Variants in SPECC1 observed in about 807,000 individuals in gnomAD.
SPECC1 encodes sperm antigen with calponin homology and coiled-coil domains 1.
Under a neutral mutation model 104.1 loss-of-function variants are expected in SPECC1, and 62 were observed. That is an observed-to-expected ratio of 0.60 (90% CI 0.49 to 0.74). The LOEUF is 0.74. Among genes scored for constraint, SPECC1 ranks in the 30% least tolerant of loss-of-function variants. The pLI is 0.00. For missense variants in SPECC1, 1,306 were observed against 1,310.5 expected (o/e 1.00, Z 0.05); for synonymous variants, 513 against 501.6 (o/e 1.02, Z -0.30).
In SPECC1 at chr17:20,236,220, G is replaced by A. The variant is rs2038902992; in HGVS notation, c.2351+3815G>A. On this transcript the variant is annotated intron_variant, in intron 7 of 14. Coordinates refer to ENST00000395527, the MANE Select transcript of SPECC1 (RefSeq NM_001243439.2). ...CAGACCTCACCTTAGCACCCATGAC[G>A]GCATGATGGACAGGGGTCTCCAGCA... 1.3e-5 allele frequency among the ~76,000 whole-genome samples: 2 copies of A among 152,144 alleles called. 1 individual carries two copies. Among genetic ancestry groups the A allele is most frequent in the South Asian group, 4.1e-4 (2 of 4,822 alleles).
intron 1 of SPECC1, among the ~76,000 whole-genome samples, chr17:20,021,151 T>C (rs2044358809): frequency 2.0e-5 from 3 of 151,998 alleles, no homozygotes; most frequent in South Asian, 2.1e-4. Flanking sequence ...CATCTTCATG[T>C]TGAGTAGGCT....
chr17:20,187,512 G>T (rs1199055103), intron 3 of SPECC1, among the ~76,000 whole-genome samples: 1 of 152,200 alleles, frequency 6.6e-6, no homozygotes, highest in Non-Finnish European at 1.5e-5. Flanking sequence ...AGCCATGAGG[G>T]CAGGCAGCTT....
chr17:20,121,835 C>T (rs944180899), intron 3 of SPECC1, among the ~76,000 whole-genome samples: 4 of 152,220 alleles, frequency 2.6e-5, no homozygotes, highest in African/African-American at 7.2e-5. Flanking sequence ...GTCAAAAGCA[C>T]CCACCTTCTC....
intron 1 of SPECC1, among the ~76,000 whole-genome samples, chr17:20,060,748 A>T (rs78174961): frequency 0.073 from 11,178 of 152,230 alleles, 550 homozygotes; most frequent in African/African-American, 0.14. Context: ...GCCACTCACC[A>T]TGTGACTTTT....
At chr17:20,129,946 G>A (rs577505472) in intron 3 of SPECC1, among the ~76,000 whole-genome samples, 1 of 151,402 alleles carries the variant, frequency 6.6e-6, no homozygotes, top group African/African-American at 2.4e-5. Flanking sequence ...TAGAAACTGG[G>A]TTTCACTATG....
chr17:20,243,867 A>C (rs944980808), intron 7 of SPECC1, among the ~76,000 whole-genome samples: 7 of 152,186 alleles, frequency 4.6e-5, no homozygotes, highest in African/African-American at 1.7e-4. Flanking sequence ...ATGTAAAATG[A>C]ATTATTTAAA....
At chr17:20,019,205 A>ATCAT (rs34263890) in intron 1 of SPECC1, among the ~76,000 whole-genome samples, 1 of 92,186 alleles carries the variant, frequency 1.1e-5, no homozygotes, top group Admixed American at 1.1e-4. Context: ...AGAAGACCCT[A>ATCAT]TCATTCATTT....
chr17:20,063,282 T>C (rs539515557), intron 1 of SPECC1, among the ~76,000 whole-genome samples: 2 of 152,350 alleles, frequency 1.3e-5, no homozygotes, highest in South Asian at 4.1e-4. Flanking sequence ...TTTTTTCTGT[T>C]GGACTGTTTG....
At chr17:20,179,150 G>A (rs1567907587) in intron 3 of SPECC1, among the ~76,000 whole-genome samples, 1 of 152,310 alleles carries the variant, frequency 6.6e-6, no homozygotes, top group East Asian at 1.9e-4. Context: ...ATTGTTAGAA[G>A]GGCTAGAGAG....
chr17:20,239,889 T>G (rs1401664452), intron 7 of SPECC1, among the ~76,000 whole-genome samples: 8 of 126,292 alleles, frequency 6.3e-5, no homozygotes, highest in South Asian at 2.8e-4. Flanking sequence ...TTTTTTTTTT[T>G]TTTTTTTTTT....
At chr17:20,271,570 C>T (rs551479099) in intron 12 of SPECC1, among the ~76,000 whole-genome samples, 1 of 152,246 alleles carries the variant, frequency 6.6e-6, no homozygotes, top group African/African-American at 2.4e-5. Context: ...AACCGCAACT[C>T]TTCATGAGAT....
chr17:20,181,521 TA>T (rs1408432446), intron 3 of SPECC1, among the ~76,000 whole-genome samples: 1 of 152,136 alleles, frequency 6.6e-6, no homozygotes, highest in African/African-American at 2.4e-5. Context: ...CCTCAAAATA[TA>T]AATTCACAAA....
intron 3 of SPECC1, among the ~76,000 whole-genome samples, chr17:20,132,543 AT>A (rs966262302): frequency 6.4e-4 from 90 of 141,464 alleles, no homozygotes; most frequent in Middle Eastern, 3.7e-3. Flanking sequence ...GTTTGTTTTC[AT>A]TTTTTTTTGG....
At chr17:20,059,481 C>G (rs2046098530) in intron 1 of SPECC1, among the ~76,000 whole-genome samples, 1 of 152,148 alleles carries the variant, frequency 6.6e-6, no homozygotes, top group Non-Finnish European at 1.5e-5. Context: ...AGGCTATGAA[C>G]TGGGGGTTGG....
intron 3 of SPECC1, among the ~76,000 whole-genome samples, chr17:20,120,689 A>G (rs1337312850): frequency 6.6e-6 from 1 of 152,174 alleles, no homozygotes; most frequent in African/African-American, 2.4e-5. Flanking sequence ...GGTATTATCT[A>G]TATTTTATTT....
intron 9 of SPECC1, 25 bp from the exon 10 acceptor site, chr17:20,253,480 G>C (rs2039707460): frequency 6.2e-7 from 1 of 1,612,784 alleles, no homozygotes. Flanking sequence ...AGCTCACCGT[G>C]CTGGTGTCCC....
chr17:20,220,821 A>G (rs2037829361), intron 4 of SPECC1, among the ~76,000 whole-genome samples: 1 of 152,140 alleles, frequency 6.6e-6, no homozygotes, highest in Admixed American at 6.5e-5. Flanking sequence ...GGTCTGTTGT[A>G]TATGGCTTTT....
chr17:20,216,066 G>C (rs2037470130), intron 4 of SPECC1, among the ~76,000 whole-genome samples: 1 of 152,188 alleles, frequency 6.6e-6, no homozygotes. Context: ...TCACTTTACA[G>C]ATTAACATAT....
chr17:20,205,378 G>C lies in SPECC1; in HGVS notation c.1329G>C (p.Leu443=). The C allele has an allele frequency of 6.2e-7, 1 of 1,613,698 alleles. No homozygotes were observed. Among genetic ancestry groups the C allele is most frequent in the Non-Finnish European group, 8.5e-7 (1 of 1,179,952 alleles). The part of the protein sequence containing the change: ...AEQLSQENEK[L]MNLLQERVKN... ...AGCTAAGTCAAGAAAATGAGAAGCT[G>C]ATGAATCTTTTACAAGAGCGAGTAA... Residue 443 remains leucine (L), a synonymous_variant, in exon 4 of 15, where the codon CTG becomes CTC. Transcript: ENST00000395527.
Sources: allele counts gnomAD v4.1 joint callset (sites outside exome capture counted in the v4.1 genomes callset), GRCh38; gene constraint gnomAD v4.1.1; transcripts MANE v1.5; gene names NCBI Gene and HGNC (gene_info 2026-07-23, HGNC 2026-07-21).